The following TMEM236 variants were observed in gnomAD, a reference collection of about 807,000 sequenced individuals.
The protein encoded by TMEM236 is family with sequence similarity 23, member A.
A neutral mutation model predicts 14.7 loss-of-function variants in TMEM236; 11 were observed. The ratio of observed to expected loss-of-function variants is 0.75; its 90% CI spans 0.47 to 1.24. The LOEUF is 1.24. TMEM236 is among the 50% of genes most tolerant of loss of function. TMEM236 has a pLI of 0.00. For synonymous variants in TMEM236, 182 were observed against 168.6 expected, an observed-to-expected ratio of 1.08 and a Z score of -0.62; for missense variants, 464 against 427.3, an observed-to-expected ratio of 1.09 and a Z score of -0.76.
rs1478808215 is a variant in TMEM236, at chr10:17,776,245, A to C, written c.472+75A>C. The C allele has an allele frequency of 9.4e-6, 13 of 1,388,286 alleles. No homozygotes were observed. In the African/African-American group the frequency reaches 1.0e-4, roughly 11 times the overall value. The allele number at this position is 1,388,286 out of a possible 1,614,324, so 86.0% of individuals were successfully genotyped here. On this transcript the variant is annotated intron_variant, in intron 3 of 3. Coordinates refer to ENST00000377495, the MANE Select transcript of TMEM236 (RefSeq NM_001098844.3). ...CACATTTCTGCCACTGTGTTATCTG[A>C]CAACATGTTTAATGATACCTTTTCT... is the stretch of plus-strand genomic sequence containing the variant.
intron 1 of TMEM236, among the ~76,000 whole-genome samples, chr10:17,761,346 T>TC (rs1309731014): frequency 3.3e-5 from 5 of 151,990 alleles, no homozygotes; most frequent in Admixed American, 1.3e-4. Flanking sequence ...GCTTCTTTTC[T>TC]CCCCCCTGCA....
At chr10:17,778,144 ACT>A (rs1837689730) in intron 3 of TMEM236, among the ~76,000 whole-genome samples, 1 of 152,164 alleles carries the variant, frequency 6.6e-6, no homozygotes, top group East Asian at 1.9e-4. Context: ...GGGGGAGAAG[ACT>A]CTAGCACAAT....
intron 3 of TMEM236, among the ~76,000 whole-genome samples, chr10:17,779,848 T>G (rs2131756096): frequency 6.6e-6 from 1 of 152,258 alleles, no homozygotes; most frequent in Non-Finnish European, 1.5e-5. Flanking sequence ...CATGCTATTT[T>G]CTACCACTCC....
At chr10:17,791,190 A>G (rs1450728911) in intron 3 of TMEM236, among the ~76,000 whole-genome samples, 1 of 151,920 alleles carries the variant, frequency 6.6e-6, no homozygotes, top group African/African-American at 2.4e-5. Context: ...CCATGCCTGT[A>G]ATTTGGTGCG....
chr10:17,791,999 T>C (rs1331657855), intron 3 of TMEM236, among the ~76,000 whole-genome samples: 2 of 152,228 alleles, frequency 1.3e-5, no homozygotes, highest in African/African-American at 2.4e-5. Context: ...GTTGGGAGTC[T>C]AATGAATGCA....
chr10:17,773,641 T>C (rs1197292111), intron 2 of TMEM236, among the ~76,000 whole-genome samples: 5 of 152,162 alleles, frequency 3.3e-5, no homozygotes, highest in African/African-American at 9.7e-5. Context: ...CCAGGCATCA[T>C]TGTGTCTTTT....
chr10:17,764,869 G>A (rs1837436558), intron 1 of TMEM236, among the ~76,000 whole-genome samples: 1 of 145,464 alleles, frequency 6.9e-6, no homozygotes, highest in South Asian at 2.2e-4. Flanking sequence ...GTCTCATTCT[G>A]TCTCCCAGGC....
chr10:17,769,474 G>A (rs1048985291), intron 1 of TMEM236, among the ~76,000 whole-genome samples: 5 of 152,204 alleles, frequency 3.3e-5, no homozygotes, highest in East Asian at 3.8e-4. Context: ...CAATGGGAAC[G>A]GATGAGATAA....
intron 1 of TMEM236, among the ~76,000 whole-genome samples, chr10:17,753,825 C>T (rs1224715380): frequency 2.0e-5 from 3 of 152,202 alleles, no homozygotes; most frequent in African/African-American, 7.2e-5. Context: ...AATCACCACA[C>T]TGTCTTCCAC....
intron 1 of TMEM236, among the ~76,000 whole-genome samples, chr10:17,755,112 T>TG (rs1192806674): frequency 1.3e-5 from 2 of 151,486 alleles, no homozygotes; most frequent in African/African-American, 4.8e-5. Context: ...CTAATGTTTT[T>TG]TTTTTTTTTT....
chr10:17,769,143 A>C (rs899801246), intron 1 of TMEM236, among the ~76,000 whole-genome samples: 2 of 152,238 alleles, frequency 1.3e-5, no homozygotes, highest in African/African-American at 2.4e-5. Flanking sequence ...AAAAAACGTG[A>C]AGACAATGTT....
In TMEM236 at chr10:17,796,945, G is replaced by A. The variant is rs926680454; in HGVS notation, c.*441G>A. On this transcript the variant is annotated 3_prime_UTR_variant, in exon 4 of 4. Coordinates refer to ENST00000377495, the MANE Select transcript of TMEM236 (RefSeq NM_001098844.3). Reference sequence around the variant, plus strand: ...GAGCCCAAACCCTATTGTGAACTGCGTATGCAAGGGATCTAGCTTTCGCTC... The same window carrying A: ...GAGCCCAAACCCTATTGTGAACTGCATATGCAAGGGATCTAGCTTTCGCTC... 8.6e-5 allele frequency: 16 copies of A among 185,524 alleles called. No homozygotes were observed. Among genetic ancestry groups the A allele is most frequent in the African/African-American group, 2.9e-4 (12 of 41,828 alleles). The allele number at this position is 185,524 out of a possible 1,614,324, so 11.5% of individuals were successfully genotyped here. A position where few individuals can be genotyped will look rare whatever the true frequency, so the allele number is the denominator to read the frequency against.
chr10:17,790,538 A>C (rs1249958281), intron 3 of TMEM236, among the ~76,000 whole-genome samples: 2 of 152,212 alleles, frequency 1.3e-5, no homozygotes, highest in African/African-American at 4.8e-5. Context: ...CCATGTCTCT[A>C]AAGTAAATAA....
rs2131753309 is a variant in TMEM236, at chr10:17,776,187, A to G, written c.472+17A>G. ...GTCAAAAGAGTAAGTGTTCTTTTAA[A>G]TGTGAATATTTTTTAAAGTTTGATA... On this transcript the variant is annotated intron_variant, in intron 3 of 3. Transcript: ENST00000377495. 1.0e-5 allele frequency: 16 copies of G among 1,604,610 alleles called. No homozygotes were observed. Among genetic ancestry groups the G allele is most frequent in the Non-Finnish European group, 1.4e-5 (16 of 1,172,196 alleles).
intron 3 of TMEM236, among the ~76,000 whole-genome samples, chr10:17,785,027 A>G (rs2131760807): frequency 6.6e-6 from 1 of 152,306 alleles, no homozygotes; most frequent in South Asian, 2.1e-4. Flanking sequence ...AAGCGTTAGG[A>G]CTGACCCAGA....
intron 1 of TMEM236, among the ~76,000 whole-genome samples, chr10:17,762,108 G>A (rs61844004): frequency 0.63 from 96,259 of 151,824 alleles, 30,937 homozygotes; most frequent in East Asian, 0.82. Flanking sequence ...CACTTGTATG[G>A]TGACAGCTCC....
intron 2 of TMEM236, among the ~76,000 whole-genome samples, chr10:17,774,749 A>AATAGTATC (rs1837631010): frequency 6.6e-6 from 1 of 151,646 alleles, no homozygotes; most frequent in Non-Finnish European, 1.5e-5. Context: ...AGTTGCATTG[A>AATAGTATC]ATAGTATCAT....
chr10:17,769,731 A>G (rs1390432558), intron 1 of TMEM236, among the ~76,000 whole-genome samples: 1 of 152,098 alleles, frequency 6.6e-6, no homozygotes, highest in East Asian at 1.9e-4. Context: ...GGGTAATCTC[A>G]TCTTCTAATT....
At chr10:17,778,710 A>T (rs1380272340) in intron 3 of TMEM236, among the ~76,000 whole-genome samples, 1 of 152,214 alleles carries the variant, frequency 6.6e-6, no homozygotes, top group African/African-American at 2.4e-5. Context: ...GCTAGATGAA[A>T]CCAACATAAT....
Sources: allele counts gnomAD v4.1 joint callset (sites outside exome capture counted in the v4.1 genomes callset), GRCh38; gene constraint gnomAD v4.1.1; transcripts MANE v1.5; gene names NCBI Gene and HGNC (gene_info 2026-07-23, HGNC 2026-07-21).